The following PDE11A variants were observed in gnomAD, a reference collection of about 807,000 sequenced individuals.
PDE11A encodes the protein phosphodiesterase 11A, also known as dual 3',5'-cyclic-AMP and -GMP phosphodiesterase 11A.
Under a neutral mutation model 100.5 loss-of-function variants are expected in PDE11A, and 100 were observed. The ratio of observed to expected loss-of-function variants is 1.00; its 90% confidence interval spans 0.85 to 1.18. The LOEUF is 1.18. Ranked by LOEUF, PDE11A falls within the 50% of genes most tolerant of loss-of-function variation. The pLI, the probability that PDE11A is intolerant of heterozygous loss-of-function variation, is 0.00. For missense variants in PDE11A, 1,141 were observed against 1,152.6 expected, an observed-to-expected ratio of 0.99 and a Z score of 0.15; for synonymous variants, 381 against 420.8, an observed-to-expected ratio of 0.91 and a Z score of 1.16.
rs1193955401 is a variant in PDE11A at position 177,624,992 on chromosome 2, G to A, written c.*4415C>T. 2 of 152,372 alleles carry A rather than the reference G, an allele frequency of 1.3e-5. No individual in the cohort carries two copies. The highest frequency in any genetic ancestry group is 4.8e-5 in the African/African-American group (2 of 41,448). 9.4% of individuals were successfully genotyped at this position (152,372 alleles called of 1,614,324 possible). On this transcript the variant is annotated 3_prime_UTR_variant, in exon 20 of 20. Coordinates refer to ENST00000286063, the MANE Select transcript of PDE11A (RefSeq NM_016953.4). ...GGCTGAGGCAGGAAAGATCACTTAA[G>A]TTGGAGAGGTCAAGGCTGCAGTGGC...
chr2:177,819,408 T>C (rs2083097851), intron 7 of PDE11A, among the ~76,000 whole-genome samples: 1 of 152,114 alleles, frequency 6.6e-6, no homozygotes, highest in African/African-American at 2.4e-5. Flanking sequence ...ATTAGTGTTC[T>C]TACGTCTCTT....
intron 9 of PDE11A, among the ~76,000 whole-genome samples, chr2:177,794,111 G>A (rs998658700): frequency 1.3e-5 from 2 of 152,100 alleles, no homozygotes; most frequent in African/African-American, 2.4e-5. Flanking sequence ...AAGTGATGAT[G>A]AGTGCTATGG....
intron 2 of PDE11A, among the ~76,000 whole-genome samples, chr2:177,948,759 A>G (rs2085473478): frequency 1.3e-5 from 2 of 152,116 alleles, no homozygotes; most frequent in African/African-American, 4.8e-5. Flanking sequence ...AAATTCAAAC[A>G]CTAGCCAAAA....
At chr2:177,862,844 T>C (rs1425603775) in intron 5 of PDE11A, among the ~76,000 whole-genome samples, 2 of 151,904 alleles carry the variant, frequency 1.3e-5, no homozygotes, top group Non-Finnish European at 2.9e-5. Context: ...CTAATATTTG[T>C]ATAAAACCAT....
chr2:178,106,396 ACTTACTTTATCCAAGAGAAG>A (rs1401348100), intron 1 of PDE11A, among the ~76,000 whole-genome samples: 1 of 152,210 alleles, frequency 6.6e-6, no homozygotes, highest in African/African-American at 2.4e-5. Flanking sequence ...GGGTAAGAAA[ACTTACTTTATCCAAGAGAAG>A]CTTACTTTAA....
At chr2:177,991,828 C>A (rs1489134812) in intron 2 of PDE11A, among the ~76,000 whole-genome samples, 1 of 150,994 alleles carries the variant, frequency 6.6e-6, no homozygotes, top group Non-Finnish European at 1.5e-5. Context: ...GCATTATCTT[C>A]TTCCAATAAG....
chr2:177,849,251 C>A (rs2083656574), intron 5 of PDE11A, among the ~76,000 whole-genome samples: 1 of 152,188 alleles, frequency 6.6e-6, no homozygotes, highest in Non-Finnish European at 1.5e-5. Flanking sequence ...AAGGGGTATA[C>A]TCTCAGGGAG....
chr2:178,006,832 G>GC (rs1471179153), intron 2 of PDE11A, among the ~76,000 whole-genome samples: 3 of 150,414 alleles, frequency 2.0e-5, no homozygotes, highest in Non-Finnish European at 4.5e-5. Flanking sequence ...AAGGGGGGGG[G>GC]GGGAAGCCAA....
At chr2:177,678,360 C>T (rs2080811224) in intron 16 of PDE11A, among the ~76,000 whole-genome samples, 1 of 152,106 alleles carries the variant, frequency 6.6e-6, no homozygotes, top group African/African-American at 2.4e-5. Flanking sequence ...CCTGGGCATT[C>T]TTAGAATTAA....
At position 178,071,953 on chromosome 2, in the gene PDE11A, C is replaced by A; in HGVS notation, c.485G>T (p.Ser162Ile). The A allele has an allele frequency of 6.2e-7, 1 of 1,614,080 alleles. No homozygotes were observed. Among genetic ancestry groups the A allele is most frequent in the Non-Finnish European group, 8.5e-7 (1 of 1,179,964 alleles). ...VRRRALLRKA[S>I]SLPPTTAHIL... ...ATGGGCTGTGGTGGGGGGCAGGGAG[C>A]TTGCCTTCCGGAGAAGTGCCCTCCG... The change falls in exon 1 of 20, where the codon AGC (serine) becomes ATC (isoleucine). Residue 162 changes from serine to isoleucine, a missense_variant. Ser to Ile is a moderately radical substitution (Grantham distance 142). Transcript: ENST00000286063.
At chr2:177,829,849 G>T (rs191433124) in intron 6 of PDE11A, among the ~76,000 whole-genome samples, 1 of 152,110 alleles carries the variant, frequency 6.6e-6, no homozygotes, top group African/African-American at 2.4e-5. Context: ...TTTCCCTTGA[G>T]TGTGGACAGG....
chr2:178,020,545 A>G (rs1461509085), intron 1 of PDE11A, among the ~76,000 whole-genome samples: 1 of 152,218 alleles, frequency 6.6e-6, no homozygotes, highest in Non-Finnish European at 1.5e-5. Context: ...TAATGCCAGC[A>G]CTTTGGGAGG....
intron 5 of PDE11A, among the ~76,000 whole-genome samples, chr2:177,864,606 G>C (rs181586262): frequency 1.3e-5 from 2 of 152,086 alleles, no homozygotes; most frequent in African/African-American, 4.8e-5. Flanking sequence ...TACATAATAC[G>C]TGAAAAACAA....
intron 2 of PDE11A, among the ~76,000 whole-genome samples, chr2:177,936,195 G>A (rs13411922): frequency 0.087 from 13,176 of 152,176 alleles, 542 homozygotes; most frequent in South Asian, 0.1. Context: ...ACTGAGTATC[G>A]AACCATAATA....
intron 2 of PDE11A, among the ~76,000 whole-genome samples, chr2:177,945,836 A>T (rs1275985564): frequency 1.0e-5 from 1 of 99,520 alleles, no homozygotes; most frequent in Non-Finnish European, 2.3e-5. Flanking sequence ...TGGGGGGGTC[A>T]GCCCCCCGCC....
At chr2:177,949,462 C>G (rs547568632) in intron 2 of PDE11A, among the ~76,000 whole-genome samples, 27 of 152,130 alleles carry the variant, frequency 1.8e-4, no homozygotes, top group Admixed American at 1.0e-3. Context: ...TAGATCCATC[C>G]CAGCTGGTCT....
At chr2:177,762,502 T>A (rs1442437588) in intron 10 of PDE11A, among the ~76,000 whole-genome samples, 3 of 152,162 alleles carry the variant, frequency 2.0e-5, no homozygotes. Context: ...GAGTCAGGGA[T>A]CTCACTGGGC....
At position 177,779,057 on chromosome 2, in the gene PDE11A, C is replaced by T. The variant is rs182644293; in HGVS notation, c.1738-9684G>A. Among the ~76,000 whole-genome samples, 34 of 152,190 alleles carry T rather than the reference C, an allele frequency of 2.2e-4. No individual in the cohort carries two copies. The East Asian group carries it at 2.5e-3, about 11-fold the overall frequency. On this transcript the variant is annotated intron_variant, in intron 9 of 19. Coordinates refer to ENST00000286063, the MANE Select transcript of PDE11A (RefSeq NM_016953.4). ...GAGATATTGAGAGTTTGGTTCCAGA[C>T]GACCTCAATAAAGTGAATGTAGCAT...
intron 9 of PDE11A, among the ~76,000 whole-genome samples, chr2:177,803,099 C>T (rs951971108): frequency 2.6e-5 from 4 of 151,642 alleles, no homozygotes; most frequent in Non-Finnish European, 2.9e-5. Flanking sequence ...ATAATTTTCA[C>T]TTCAAGTAAG....
Sources: gnomAD v4.1 joint callset for allele counts (sites outside exome capture counted in the v4.1 genomes callset) on GRCh38, gnomAD v4.1.1 for gene constraint, MANE v1.5 for transcripts, NCBI Gene and HGNC (gene_info 2026-07-23, HGNC 2026-07-21) for gene names.